LRRFIP1: variants seen among roughly 807,000 people sequenced by gnomAD.
The protein encoded by LRRFIP1 is leucine-rich repeat flightless-interacting protein 1.
In LRRFIP1, 62 loss-of-function variants were observed where a neutral mutation model predicts 104.4. The observed-to-expected ratio is 0.59, with a 90% CI of 0.48 to 0.73. The LOEUF is 0.73. Ranked by LOEUF, LRRFIP1 falls within the 30% of genes least tolerant of loss-of-function variation. The probability of loss-of-function intolerance (pLI) is 0.00; values close to 1 mark genes in which losing one functional copy is unlikely to be tolerated. For synonymous variants in LRRFIP1, 300 were observed against 299.0 expected (o/e 1.00, Z -0.03); for missense variants, 796 against 824.5 (o/e 0.97, Z 0.42).
intron 20 of LRRFIP1, 185 bp downstream of exon 20, chr2:237,770,177 G>A: frequency 1.7e-6 from 1 of 590,486 alleles, no homozygotes; most frequent in East Asian, 2.9e-5. Flanking sequence ...TTCATCCAAA[G>A]AGAACATCCT....
chr2:237,662,431 T>C (rs7597504), intron 1 of LRRFIP1, among the ~76,000 whole-genome samples: 88,094 of 152,020 alleles, frequency 0.58, 27,510 homozygotes, highest in East Asian at 0.79. Flanking sequence ...CCATCACGTA[T>C]ATGATTTTAT....
Position 237,660,273 on chromosome 2 carries a change from G to A in LRRFIP1, c.96+32533G>A, listed in dbSNP as rs574666839. 1.1e-4 allele frequency among the ~76,000 whole-genome samples: 16 copies of A among 152,328 alleles called. No individual in the cohort carries two copies. The South Asian group carries it at 2.3e-3, about 22-fold the overall frequency. ...AGTCCAAACTTCACACATATTAGAA[G>A]TATTCATTAAAACTACTCTAGGTTA... On this transcript the variant is annotated intron_variant, in intron 1 of 23. Transcript: ENST00000308482.
At chr2:237,650,866 C>G (rs2085821619) in intron 1 of LRRFIP1, among the ~76,000 whole-genome samples, 1 of 152,152 alleles carries the variant, frequency 6.6e-6, no homozygotes, top group Admixed American at 6.5e-5. Flanking sequence ...GAGGTTTGAC[C>G]TGTGCCAGTG....
At chr2:237,676,264 G>C (rs753224105) in intron 1 of LRRFIP1, among the ~76,000 whole-genome samples, 1 of 152,092 alleles carries the variant, frequency 6.6e-6, no homozygotes, top group African/African-American at 2.4e-5. Flanking sequence ...AAAAGTTCAA[G>C]GTACATAGTT....
intron 1 of LRRFIP1, among the ~76,000 whole-genome samples, chr2:237,693,909 G>A (rs1338448210): frequency 6.6e-6 from 1 of 152,194 alleles, no homozygotes; most frequent in African/African-American, 2.4e-5. Context: ...GCGGGTCTGG[G>A]TTCAGATGAC....
intron 1 of LRRFIP1, among the ~76,000 whole-genome samples, chr2:237,665,131 A>G (rs915766004): frequency 6.6e-6 from 1 of 152,246 alleles, no homozygotes; most frequent in African/African-American, 2.4e-5. Context: ...TTATTGTGAA[A>G]TAAACCATTT....
chr2:237,730,791 G>C (rs753435877), intron 8 of LRRFIP1, among the ~76,000 whole-genome samples: 13 of 152,210 alleles, frequency 8.5e-5, no homozygotes, highest in Non-Finnish European at 1.8e-4. Flanking sequence ...GGTGGCACAT[G>C]CCTGTAGTCC....
At position 237,780,455 on chromosome 2, in the gene LRRFIP1, G is replaced by T. The variant is rs904431179; in HGVS notation, c.*923G>T. On this transcript the variant is annotated 3_prime_UTR_variant, in exon 24 of 24. Coordinates refer to ENST00000308482, the MANE Select transcript of LRRFIP1 (RefSeq NM_001137550.2). ...TTTCTTTCCCTATTTAAAAAAAAAG[G>T]TGTTTTCACAGAATGAGTGCACTTA... 1 of 152,112 alleles carries T rather than the reference G, an allele frequency of 6.6e-6. No individual in the cohort carries two copies. The highest frequency in any genetic ancestry group is 1.5e-5 in the Non-Finnish European group (1 of 68,020). The allele number at this position is 152,112 out of a possible 1,614,324, so 9.4% of individuals were successfully genotyped here. A position where few individuals can be genotyped will look rare whatever the true frequency, so the allele number is the denominator to read the frequency against.
chr2:237,656,808 T>G (rs756180078), intron 1 of LRRFIP1, among the ~76,000 whole-genome samples: 3 of 152,220 alleles, frequency 2.0e-5, no homozygotes, highest in Non-Finnish European at 4.4e-5. Flanking sequence ...CAGTATGTAT[T>G]TTTACTTTTT....
chr2:237,745,018 C>T (rs2057637119), intron 11 of LRRFIP1, among the ~76,000 whole-genome samples: 1 of 152,228 alleles, frequency 6.6e-6, no homozygotes, highest in Admixed American at 6.5e-5. Context: ...CCTTTCTTGT[C>T]TTCCATTTCT....
At position 237,733,825 on chromosome 2, in the gene LRRFIP1, G is replaced by A. The variant is rs551238066; in HGVS notation, c.489+7G>A. On this transcript the variant is annotated splice_region_variant and intron_variant, in intron 9 of 23. Coordinates refer to ENST00000308482, the MANE Select transcript of LRRFIP1 (RefSeq NM_001137550.2). ...GCCTTCGGGGAGTTACCGGGTGCGT[G>A]TGCTGCCCACCCTGCTGCCCCGCAC... 3 of 1,613,966 alleles carry A rather than the reference G, an allele frequency of 1.9e-6. No individual in the cohort carries two copies. In the East Asian group the frequency reaches 6.7e-5, roughly 36 times the overall value.
chr2:237,758,849 A>G (rs536927062), intron 18 of LRRFIP1, 28 bp downstream of exon 18: 7 of 1,441,636 alleles, frequency 4.9e-6, no homozygotes, highest in Non-Finnish European at 6.5e-6. Context: ...AGTTTTATTT[A>G]AAAAAAAAGA....
chr2:237,726,506 A>C (rs372979729), intron 7 of LRRFIP1, among the ~76,000 whole-genome samples: 52 of 152,210 alleles, frequency 3.4e-4, no homozygotes, highest in Non-Finnish European at 6.5e-4. Flanking sequence ...TCATGAGGGC[A>C]CTGTTCTAGG....
chr2:237,721,452 G>A (rs996506802), intron 6 of LRRFIP1: 1 of 152,204 alleles, frequency 6.6e-6, no homozygotes, highest in Non-Finnish European at 1.5e-5. Context: ...AAAAAAGTGT[G>A]AGTTTGGGGG....
At position 237,691,501 on chromosome 2, in the gene LRRFIP1, T is replaced by C. The variant is rs1275306905; in HGVS notation, c.97-17043T>C. On this transcript the variant is annotated intron_variant, in intron 1 of 23. Transcript: ENST00000308482. This position sits in a 1 kb window ranked among gnomAD's most constrained non-coding sequence, Gnocchi z 5.4. Reference sequence around the variant, plus strand: ...GCCGCCGCACCGGGCCAAGGGGGGCTGTGTGCACGCAGCTGCGTCGTCCTG... The same window carrying C: ...GCCGCCGCACCGGGCCAAGGGGGGCCGTGTGCACGCAGCTGCGTCGTCCTG... Among the ~76,000 whole-genome samples, 1 of 151,936 alleles carries C rather than the reference T, an allele frequency of 6.6e-6. No homozygotes were observed. Among genetic ancestry groups the C allele is most frequent in the Admixed American group, 6.5e-5 (1 of 15,272 alleles).
intron 3 of LRRFIP1, among the ~76,000 whole-genome samples, chr2:237,715,114 C>T (rs182471836): frequency 2.6e-5 from 4 of 152,300 alleles, no homozygotes; most frequent in Admixed American, 6.5e-5. Context: ...TCGGAATGCA[C>T]GGGCAGTAAA....
In LRRFIP1 at chr2:237,747,785, A is replaced by T. The variant is rs1219974107; in HGVS notation, c.634-579A>T. Among the ~76,000 whole-genome samples, 4 of 152,050 alleles carry T rather than the reference A, an allele frequency of 2.6e-5. No homozygotes were observed. The East Asian group carries it at 7.7e-4, about 29-fold the overall frequency. On this transcript the variant is annotated intron_variant, in intron 11 of 23. Coordinates refer to ENST00000308482, the MANE Select transcript of LRRFIP1 (RefSeq NM_001137550.2). ...ACAGCTTTTCCCAGAGAGTTTTTAG[A>T]CAAACTCAACCTTGGTAACCTTCTC... is the stretch of plus-strand genomic sequence containing the variant.
Position 237,748,356 on chromosome 2 carries a change from G to A in LRRFIP1, c.634-8G>A, listed in dbSNP as rs376954827. 1.2e-5 allele frequency: 19 copies of A among 1,602,488 alleles called. No homozygotes were observed. Among genetic ancestry groups the A allele is most frequent in the Middle Eastern group, 1.7e-4 (1 of 6,042 alleles). On this transcript the variant is annotated splice_polypyrimidine_tract_variant and splice_region_variant and intron_variant, in intron 11 of 23. Transcript: ENST00000308482. ...AGTATTTAATATTTTGTCTGTTTTCGTCTACAGGTAGAAGAGAGACCAGAA... is the reference window on the plus strand; with the variant it reads ...AGTATTTAATATTTTGTCTGTTTTCATCTACAGGTAGAAGAGAGACCAGAA...
chr2:237,670,504 T>C (rs6431555), intron 1 of LRRFIP1, among the ~76,000 whole-genome samples: 150,427 of 152,370 alleles, frequency 0.99, 74,260 homozygotes, highest in East Asian at 1. Context: ...ATTGAAGCTG[T>C]GTCAACTACA....
Sources: allele counts gnomAD v4.1 joint callset (sites outside exome capture counted in the v4.1 genomes callset), GRCh38; gene constraint gnomAD v4.1.1; non-coding constraint Gnocchi (gnomAD v3.1); transcripts MANE v1.5; gene names NCBI Gene and HGNC (gene_info 2026-07-23, HGNC 2026-07-21).